RUFY3: variants seen among roughly 807,000 people sequenced by gnomAD.
RUFY3 encodes the protein protein RUFY3.
Under a neutral mutation model 84.0 loss-of-function variants are expected in RUFY3, and 34 were observed. That is an observed-to-expected ratio of 0.40 (90% CI 0.31 to 0.54). The LOEUF (loss-of-function observed/expected upper bound fraction) is 0.54, where lower values mean the gene tolerates loss of function less well. RUFY3 is among the 20% of genes least tolerant of loss of function. The probability of loss-of-function intolerance (pLI) is 0.39; values close to 1 mark genes in which losing one functional copy is unlikely to be tolerated. For synonymous variants in RUFY3, 242 were observed against 252.9 expected (o/e 0.96, Z 0.41); for missense variants, 507 against 736.8 (o/e 0.69, Z 3.61).
chr4:70,804,416 G>T lies in RUFY3; in HGVS notation c.1719G>T (p.Lys573Asn). The T allele has an allele frequency of 6.2e-7, 1 of 1,613,652 alleles. No individual in the cohort carries two copies. Residue 573 changes from lysine (K) to asparagine (N), a missense_variant and splice_region_variant, in exon 17 of 18, where the codon AAG (lysine) becomes AAT (asparagine). Lys to Asn is a moderately conservative substitution (Grantham distance 94). This residue lies in a region of RUFY3 where 334 missense variants were observed against 364.1 expected (regional missense o/e 0.92). Transcript: ENST00000381006. ...GCCAGGAAGACGGCAGCCTAACAAA[G>T]GTAACTGTGATGAGAAACGGACAGG... The part of the protein sequence containing the change: ...QLCQEDGSLT[K>N]NVCKNCSGTF...
intron 1 of RUFY3, among the ~76,000 whole-genome samples, chr4:70,725,576 C>A (rs928344126): frequency 4.6e-5 from 7 of 152,104 alleles, no homozygotes; most frequent in Admixed American, 4.6e-4. Flanking sequence ...GGTGATACAC[C>A]CTCCTTGACC....
At chr4:70,779,607 A>G (rs1231000905) in intron 8 of RUFY3, among the ~76,000 whole-genome samples, 94 of 138,490 alleles carry the variant, frequency 6.8e-4, no homozygotes, top group African/African-American at 2.4e-3. Flanking sequence ...TTTTTCTGAG[A>G]TAGGGTATCA....
chr4:70,773,483 T>C (rs1196425370), intron 5 of RUFY3, 28 bp from the exon 6 acceptor site: 1 of 1,547,580 alleles, frequency 6.5e-7, no homozygotes, highest in Non-Finnish European at 8.9e-7. Flanking sequence ...TCTAATTTTA[T>C]ATTAAAACCT....
intron 1 of RUFY3, 97 bp downstream of exon 1, chr4:70,722,848 C>A: frequency 8.3e-7 from 1 of 1,198,144 alleles, no homozygotes; most frequent in Non-Finnish European, 1.2e-6. Context: ...AACCTACACT[C>A]TCAACTGTTA....
intron 1 of RUFY3, among the ~76,000 whole-genome samples, chr4:70,761,561 T>C (rs1725042843): frequency 6.6e-6 from 1 of 152,172 alleles, no homozygotes; most frequent in Non-Finnish European, 1.5e-5. Context: ...TTGGTGACTG[T>C]CTCACAGCAT....
At chr4:70,751,233 A>T (rs1174147371) in intron 1 of RUFY3, among the ~76,000 whole-genome samples, 2 of 152,088 alleles carry the variant, frequency 1.3e-5, no homozygotes, top group African/African-American at 4.8e-5. Flanking sequence ...ACCCTCTAGT[A>T]GTCTTCAGTG....
At chr4:70,800,284 G>A in intron 15 of RUFY3, 79 bp downstream of exon 15, 1 of 1,018,144 alleles carries the variant, frequency 9.8e-7, no homozygotes, top group Non-Finnish European at 1.5e-6. Flanking sequence ...TATATACATT[G>A]GCATTGACAC....
In RUFY3 at chr4:70,789,558, C is replaced by G; in HGVS notation, c.1303C>G (p.Gln435Glu). The stretch of plus-strand genomic sequence containing the variant: ...CAGTCGCTTGGAAGAGAAGACTAAT[C>G]AGATGGCTGCTACCATTAAACAACT... ...LNSRLEEKTN[Q>E]MAATIKQLEQ... The change falls in exon 12 of 18, where the codon CAG (glutamine) becomes GAG (glutamate). Residue 435 changes from glutamine to glutamate, a missense_variant. This residue lies in a region of RUFY3 where 334 missense variants were observed against 364.1 expected (regional missense o/e 0.92). Transcript: ENST00000381006. The G allele has an allele frequency of 6.2e-7, 1 of 1,612,748 alleles. No individual in the cohort carries two copies. Among genetic ancestry groups the G allele is most frequent in the Non-Finnish European group, 8.5e-7 (1 of 1,179,196 alleles).
At chr4:70,705,153 G>A (rs1188684152) in exon 1 of RUFY3, 9 of 1,457,540 alleles carry the variant, frequency 6.2e-6, no homozygotes, top group Non-Finnish European at 8.1e-6. Flanking sequence ...CCCCGGCGAT[G>A]GAGGCGCCGG....
At chr4:70,776,392 A>G (rs1427030037) in intron 7 of RUFY3, among the ~76,000 whole-genome samples, 10 of 151,974 alleles carry the variant, frequency 6.6e-5, no homozygotes, top group Admixed American at 6.5e-4. Flanking sequence ...TTCCCCCTTC[A>G]GTTTTCTGTA....
upstream of RUFY3, chr4:70,704,033 A>C (rs917539175): frequency 1.3e-5 from 2 of 152,262 alleles, no homozygotes; most frequent in Non-Finnish European, 2.9e-5. Flanking sequence ...GTAATCATTG[A>C]TTCGAATTCT....
chr4:70,721,654 G>T (rs1160717517), upstream of RUFY3, among the ~76,000 whole-genome samples: 1 of 152,106 alleles, frequency 6.6e-6, no homozygotes, highest in Non-Finnish European at 1.5e-5. Flanking sequence ...AAGAATGAAA[G>T]AGGTGAATTA....
At chr4:70,804,482 C>T in intron 17 of RUFY3, 66 bp downstream of exon 17, 1 of 1,348,446 alleles carries the variant, frequency 7.4e-7, no homozygotes, top group Non-Finnish European at 1.1e-6. Flanking sequence ...AGTCCCTCCC[C>T]AGGAGTAACA....
chr4:70,726,635 G>T (rs2148597975), intron 1 of RUFY3, among the ~76,000 whole-genome samples: 1 of 152,324 alleles, frequency 6.6e-6, no homozygotes, highest in Non-Finnish European at 1.5e-5. Context: ...GCTTCCCAGA[G>T]TGCTGGGATT....
At chr4:70,785,726 A>T (rs947057858) in intron 10 of RUFY3, among the ~76,000 whole-genome samples, 1 of 152,014 alleles carries the variant, frequency 6.6e-6, no homozygotes, top group Non-Finnish European at 1.5e-5. Context: ...AATCCCAGCT[A>T]CTTGGGAGGC....
chr4:70,729,966 C>T (rs1301228218), intron 1 of RUFY3, among the ~76,000 whole-genome samples: 1 of 142,798 alleles, frequency 7.0e-6, no homozygotes, highest in Non-Finnish European at 1.5e-5. Flanking sequence ...TGGAGTCTCG[C>T]TCTTGTCACC....
chr4:70,790,039 C>A, intron 12 of RUFY3: 1 of 290,646 alleles, frequency 3.4e-6, no homozygotes. Context: ...CTGGATCTTT[C>A]TCTCCCTTCT....
At chr4:70,781,343 TGTG>T (rs1438304767) in intron 8 of RUFY3, among the ~76,000 whole-genome samples, 3 of 152,050 alleles carry the variant, frequency 2.0e-5, no homozygotes, top group Admixed American at 6.6e-5. Context: ...AGCCGGCTGT[TGTG>T]GTGCACACCT....
chr4:70,719,316 G>A (rs1260948340), upstream of RUFY3, among the ~76,000 whole-genome samples: 1 of 152,202 alleles, frequency 6.6e-6, no homozygotes, highest in Non-Finnish European at 1.5e-5. Context: ...GAGGCAGGGT[G>A]GGATGGATCT....
Sources: allele counts gnomAD v4.1 joint callset (sites outside exome capture counted in the v4.1 genomes callset), GRCh38; gene constraint gnomAD v4.1.1; regional missense constraint gnomAD v4.1.1; transcripts MANE v1.5; gene names NCBI Gene and HGNC (gene_info 2026-07-23, HGNC 2026-07-21).